The following PIM2 variants were observed in gnomAD, a reference collection of about 807,000 sequenced individuals.
PIM2 encodes the protein Pim-2 proto-oncogene, serine/threonine kinase.
PIM2 carries 3 observed loss-of-function variants against 18.0 expected under a neutral mutation model. That is an observed-to-expected ratio of 0.17 (90% CI 0.08 to 0.43). The LOEUF (loss-of-function observed/expected upper bound fraction) is 0.43, where lower values mean the gene tolerates loss of function less well. Ranked by LOEUF, PIM2 falls within the 20% of genes least tolerant of loss-of-function variation. PIM2 has a pLI of 0.99. For synonymous variants in PIM2, 117 were observed against 105.3 expected (o/e 1.11, Z -0.68); for missense variants, 181 against 260.8 (o/e 0.69, Z 2.11).
At chrX:48,917,144 G>A (rs1490773358) in intron 3 of PIM2, among the ~76,000 whole-genome samples, 1 of 105,555 alleles carries the variant, frequency 9.5e-6, no homozygotes, top group African/African-American at 3.5e-5. Flanking sequence ...AACAGAGGGA[G>A]ACTGTGTCTC....
Position 48,914,514 on chromosome X carries a change from G to A in PIM2, c.653C>T (p.Pro218Leu). The change falls in exon 5 of 6, where the codon CCG (proline) becomes CTG (leucine). Residue 218 changes from proline (P) to leucine (L), a missense_variant. Pro to Leu is a moderately conservative substitution (Grantham distance 98, BLOSUM62 -3). Coordinates refer to ENST00000376509, the MANE Select transcript of PIM2 (RefSeq NM_006875.4). Reference protein sequence around the residue: ...WISRHQYHALPATVWSLGILL... With the variant: ...WISRHQYHALLATVWSLGILL... Reference sequence around the variant, plus strand: ...GATGCCCAGTGACCAGACAGTGGCCGGGAGTGCATGGTACTGGTGTCGAGA... The same window carrying A: ...GATGCCCAGTGACCAGACAGTGGCCAGGAGTGCATGGTACTGGTGTCGAGA... 8.3e-7 allele frequency: 1 copy of A among 1,209,777 alleles called. No homozygotes were observed. Among genetic ancestry groups the A allele is most frequent in the Non-Finnish European group, 1.1e-6 (1 of 894,601 alleles).
In PIM2 at chrX:48,915,412, G is replaced by C; in HGVS notation, c.223-20C>G. The C allele has an allele frequency of 8.5e-7, 1 of 1,180,720 alleles. No individual in the cohort carries two copies. The highest frequency in any genetic ancestry group is 1.1e-6 in the Non-Finnish European group (1 of 877,854). On this transcript the variant is annotated intron_variant, in intron 3 of 5. Transcript: ENST00000376509. ...GTCTGACTGGGGGCACAGGTGGGGT[G>C]GGAAGCAGGGAGAGAAAAAAGACAG...
chrX:48,914,808 C>T (rs1437901011), intron 4 of PIM2: 2 of 462,923 alleles, frequency 4.3e-6, no homozygotes, highest in African/African-American at 4.9e-5. Flanking sequence ...AGGATCCCCT[C>T]ACCAGAATAG....
intron 3 of PIM2, 41 bp from the exon 4 acceptor site, chrX:48,915,433 G>A: frequency 8.6e-7 from 1 of 1,156,960 alleles, no homozygotes; most frequent in Non-Finnish European, 1.2e-6. Context: ...AGAGAAAAAA[G>A]ACAGATGTCA....
Position 48,918,768 on chromosome X carries a change from A to G in PIM2, c.61+6T>C. 2 of 1,187,461 alleles carry G rather than the reference A, an allele frequency of 1.7e-6. No individual in the cohort carries two copies. The highest frequency in any genetic ancestry group is 3.7e-5 in the South Asian group (2 of 54,767). Reference sequence around the variant, plus strand: ...GTCTGGTTGCAGTAGGGGAGGATGTACTCACCTGGCGGCGGCGTGGGGGTC... The same window carrying G: ...GTCTGGTTGCAGTAGGGGAGGATGTGCTCACCTGGCGGCGGCGTGGGGGTC... On this transcript the variant is annotated splice_donor_region_variant and intron_variant, in intron 1 of 5. Coordinates refer to ENST00000376509, the MANE Select transcript of PIM2 (RefSeq NM_006875.4).
chrX:48,918,487 C>T, intron 2 of PIM2, 49 bp downstream of exon 2: 1 of 934,215 alleles, frequency 1.1e-6, no homozygotes, highest in Non-Finnish European at 1.5e-6. Context: ...CCAGGACCCC[C>T]GCCCCCGCCA....
At chrX:48,915,484 G>T in intron 3 of PIM2, 92 bp from the exon 4 acceptor site, 1 of 921,070 alleles carries the variant, frequency 1.1e-6, no homozygotes, top group Non-Finnish European at 1.5e-6. Flanking sequence ...CTCAACTCAG[G>T]GCCCCTTTTC....
At chrX:48,917,681 G>C in intron 3 of PIM2, 100 bp downstream of exon 3, 1 of 621,443 alleles carries the variant, frequency 1.6e-6, no homozygotes, top group Non-Finnish European at 2.6e-6. Context: ...TATTCTCACT[G>C]TTACAGGGCC....
In PIM2 at chrX:48,914,667, C is replaced by A. The variant is rs782545410; in HGVS notation, c.596-96G>T. 8.8e-5 allele frequency: 66 copies of A among 750,369 alleles called. No homozygotes were observed. The East Asian group carries it at 2.3e-3, about 26-fold the overall frequency. The allele number at this position is 750,369 out of a possible 1,213,427, so 61.8% of individuals were successfully genotyped here. Reference sequence around the variant, plus strand: ...AGGATGGCCTCACCACAATTAAGAGCACTCAAGATAAAAGCAGAGTCCCCT... The same window carrying A: ...AGGATGGCCTCACCACAATTAAGAGAACTCAAGATAAAAGCAGAGTCCCCT... On this transcript the variant is annotated intron_variant, in intron 4 of 5. Coordinates refer to ENST00000376509, the MANE Select transcript of PIM2 (RefSeq NM_006875.4).
At chrX:48,914,813 G>C (rs782419509) in intron 4 of PIM2, 2 of 464,720 alleles carry the variant, frequency 4.3e-6, no homozygotes, top group Non-Finnish European at 7.3e-6. Flanking sequence ...CCCCTCACCA[G>C]AATAGGAGCC....
rs200261048 is a variant in PIM2, at chrX:48,918,489, C to A, written c.171+47G>T. On this transcript the variant is annotated intron_variant, in intron 2 of 5. Transcript: ENST00000376509. Reference sequence around the variant, plus strand: ...CAGCATTCCAGGGCCAGGACCCCCGCCCCCGCCACACGCACCTGACCCTCC... The same window carrying A: ...CAGCATTCCAGGGCCAGGACCCCCGACCCCGCCACACGCACCTGACCCTCC... The A allele has an allele frequency of 9.0e-3, 8,486 of 941,195 alleles. 34 individuals are homozygous for A. Among genetic ancestry groups the A allele is most frequent in the Non-Finnish European group, 0.011 (7,549 of 672,577 alleles). 77.6% of individuals were successfully genotyped at this position (941,195 alleles called of 1,213,427 possible). A position where few individuals can be genotyped will look rare whatever the true frequency, so the allele number is the denominator to read the frequency against.
Position 48,913,543 on chromosome X carries a change from G to C in PIM2, c.*588C>G, listed in dbSNP as rs1207542277. On this transcript the variant is annotated 3_prime_UTR_variant, in exon 6 of 6. Coordinates refer to ENST00000376509, the MANE Select transcript of PIM2 (RefSeq NM_006875.4). ...AGAGCACTTGGGATAACAGAGTAGG[G>C]TCCCCTCACCCAAAAAAAAAAAAAA... The C allele has an allele frequency of 1.4e-5, 1 of 69,704 alleles. No individual in the cohort carries two copies. Among genetic ancestry groups the C allele is most frequent in the African/African-American group, 5.0e-5 (1 of 19,992 alleles). The allele number at this position is 69,704 out of a possible 1,213,427, so 5.7% of individuals were successfully genotyped here. A position where few individuals can be genotyped will look rare whatever the true frequency, so the allele number is the denominator to read the frequency against.
intron 3 of PIM2, chrX:48,915,654 G>A (rs1189812426): frequency 3.3e-6 from 1 of 307,570 alleles, no homozygotes; most frequent in Non-Finnish European, 5.7e-6. Flanking sequence ...AAAGAAGTTC[G>A]GCCAGGCACA....
rs782451245 is a variant in PIM2, at chrX:48,913,554, C to CCA, written c.*576_*577insTG. The CCA allele has an allele frequency of 3.2e-5, 2 of 62,290 alleles. No individual in the cohort carries two copies. Among genetic ancestry groups the CCA allele is most frequent in the African/African-American group, 1.3e-4 (2 of 15,488 alleles). The allele number at this position is 62,290 out of a possible 1,213,427, so 5.1% of individuals were successfully genotyped here. A position where few individuals can be genotyped will look rare whatever the true frequency, so the allele number is the denominator to read the frequency against. On this transcript the variant is annotated 3_prime_UTR_variant, in exon 6 of 6. Transcript: ENST00000376509. ...GATAACAGAGTAGGGTCCCCTCACC[C>CCA]AAAAAAAAAAAAAAAAAAAAGAAGC...
At position 48,913,714 on chromosome X, in the gene PIM2, T is replaced by C. The variant is rs1270529578; in HGVS notation, c.*417A>G. The C allele has an allele frequency of 1.7e-5, 2 of 116,903 alleles. No individual in the cohort carries two copies. Among genetic ancestry groups the C allele is most frequent in the African/African-American group, 6.6e-5 (2 of 30,389 alleles). 9.6% of individuals were successfully genotyped at this position (116,903 alleles called of 1,213,427 possible). A position where few individuals can be genotyped will look rare whatever the true frequency, so the allele number is the denominator to read the frequency against. On this transcript the variant is annotated 3_prime_UTR_variant, in exon 6 of 6. Transcript: ENST00000376509. ...TACTAAAATAAAAGCTACTGGGGTA[T>C]TGGAAGGAAAGCACCCTTGCCCAAG...
rs1557045632 is a variant in PIM2 at position 48,918,920 on chromosome X, G to C, written c.-86C>G. 1 of 784,348 alleles carries C rather than the reference G, an allele frequency of 1.3e-6. No individual in the cohort carries two copies. Among genetic ancestry groups the C allele is most frequent in the African/African-American group, 2.1e-5 (1 of 47,186 alleles). 64.6% of individuals were successfully genotyped at this position (784,348 alleles called of 1,213,427 possible). A position where few individuals can be genotyped will look rare whatever the true frequency, so the allele number is the denominator to read the frequency against. On this transcript the variant is annotated 5_prime_UTR_variant, in exon 1 of 6. Coordinates refer to ENST00000376509, the MANE Select transcript of PIM2 (RefSeq NM_006875.4). ...CCGGGGCAGCGCAGCTGGGGAGCCA[G>C]GGCTGGGGGGCGCCAGGGTGGAAAG...
intron 3 of PIM2, among the ~76,000 whole-genome samples, chrX:48,917,210 C>T (rs1479536583): frequency 9.0e-6 from 1 of 111,424 alleles, no homozygotes; most frequent in Non-Finnish European, 1.9e-5. Context: ...CCACTGCCTC[C>T]CCAAGCCCTG....
intron 3 of PIM2, chrX:48,915,722 G>A (rs912893372): frequency 1.1e-5 from 2 of 183,475 alleles, no homozygotes; most frequent in Non-Finnish European, 2.0e-5. Context: ...GATTGCTTGA[G>A]CCCAAGAGTT....
chrX:48,917,862 G>C (rs1198132554), intron 2 of PIM2, 31 bp from the exon 3 acceptor site: 1 of 1,128,390 alleles, frequency 8.9e-7, no homozygotes, highest in Admixed American at 2.4e-5. Flanking sequence ...AAGGAGGCCA[G>C]CAGGTGATCC....
Sources: allele counts gnomAD v4.1 joint callset (sites outside exome capture counted in the v4.1 genomes callset), GRCh38; gene constraint gnomAD v4.1.1; transcripts MANE v1.5; gene names NCBI Gene and HGNC (gene_info 2026-07-23, HGNC 2026-07-21).